Variants in HRH1 observed in about 807,000 individuals in gnomAD.
The protein encoded by HRH1 is histamine H1 receptor.
Under a neutral mutation model 10.3 loss-of-function variants are expected in HRH1, and 6 were observed. That is an observed-to-expected ratio of 0.58 (90% CI 0.32 to 1.15). The LOEUF is 1.15. Among genes scored for constraint, HRH1 ranks in the 50% most tolerant of loss-of-function variants. HRH1 has a pLI of 0.05. For synonymous variants in HRH1, 242 were observed against 236.7 expected (o/e 1.02, Z -0.21); for missense variants, 514 against 615.3 (o/e 0.84, Z 1.74).
At chr3:11,197,418 A>G (rs536977816) in intron 1 of HRH1, among the ~76,000 whole-genome samples, 1 of 152,308 alleles carries the variant, frequency 6.6e-6, no homozygotes, top group South Asian at 2.1e-4. Flanking sequence ...ATAGGCAAAG[A>G]TATTTCTTCC....
intron 1 of HRH1, among the ~76,000 whole-genome samples, chr3:11,160,593 T>A (rs1233865586): frequency 6.6e-6 from 1 of 152,250 alleles, no homozygotes; most frequent in Non-Finnish European, 1.5e-5. Flanking sequence ...TATTAAATCT[T>A]TCTTCCTTTC....
chr3:11,176,391 C>T (rs1937249595), intron 1 of HRH1, among the ~76,000 whole-genome samples: 1 of 152,030 alleles, frequency 6.6e-6, no homozygotes, highest in Non-Finnish European at 1.5e-5. Flanking sequence ...TCCAAAACTC[C>T]CCCTCCCACT....
At chr3:11,204,801 C>G (rs1938057042) in intron 1 of HRH1, among the ~76,000 whole-genome samples, 2 of 152,174 alleles carry the variant, frequency 1.3e-5, no homozygotes, top group South Asian at 4.1e-4. Context: ...GCAGGCTTCC[C>G]AAAGCTTGAT....
In HRH1 at chr3:11,259,452, C is replaced by G; in HGVS notation, c.415C>G (p.Arg139Gly). 6.2e-7 allele frequency: 1 copy of G among 1,613,838 alleles called. No homozygotes were observed. Among genetic ancestry groups the G allele is most frequent in the Non-Finnish European group, 8.5e-7 (1 of 1,179,906 alleles). ...GCAGCCCCTCAGGTACCTTAAGTATCGTACCAAGACCCGAGCCTCGGCCAC... is the reference window on the plus strand; with the variant it reads ...GCAGCCCCTCAGGTACCTTAAGTATGGTACCAAGACCCGAGCCTCGGCCAC... The part of the protein sequence containing the change: ...VQQPLRYLKY[R>G]TKTRASATIL... Residue 139 changes from arginine to glycine, a missense_variant, in exon 2 of 2, where the codon CGT (arginine) becomes GGT (glycine). Coordinates refer to ENST00000431010, the MANE Select transcript of HRH1 (RefSeq NM_001098212.2). The surrounding 1 kb of genome is among the most constrained non-coding windows in gnomAD (Gnocchi z 4.6).
At chr3:11,236,955 T>C (rs1045737388) in intron 1 of HRH1, among the ~76,000 whole-genome samples, 6 of 152,226 alleles carry the variant, frequency 3.9e-5, no homozygotes, top group Non-Finnish European at 8.8e-5. Context: ...GCCAGCTCTT[T>C]TATTTAGTTC....
intron 1 of HRH1, among the ~76,000 whole-genome samples, chr3:11,186,624 T>G (rs1289374612): frequency 6.6e-6 from 1 of 152,204 alleles, no homozygotes; most frequent in Non-Finnish European, 1.5e-5. Context: ...GGTCGGGATC[T>G]GAGACCACTC....
At chr3:11,156,090 A>C (rs36086403) in intron 1 of HRH1, among the ~76,000 whole-genome samples, 10,186 of 152,198 alleles carry the variant, frequency 0.067, 574 homozygotes, top group African/African-American at 0.15. Flanking sequence ...GCAAAGGATG[A>C]ATAGAGGAAA....
At chr3:11,237,440 C>G (rs1047561615) in intron 1 of HRH1, among the ~76,000 whole-genome samples, 2 of 152,088 alleles carry the variant, frequency 1.3e-5, no homozygotes, top group African/African-American at 4.8e-5. Flanking sequence ...GAAACTTGCT[C>G]TTCAGTCACT....
chr3:11,144,660 GA>G (rs1225586511), intron 1 of HRH1, among the ~76,000 whole-genome samples: 9 of 151,750 alleles, frequency 5.9e-5, no homozygotes, highest in Admixed American at 5.9e-4. Flanking sequence ...TGAGAACAGG[GA>G]GGAGCAGGTC....
chr3:11,181,774 G>A (rs1346914214), intron 1 of HRH1, among the ~76,000 whole-genome samples: 1 of 151,864 alleles, frequency 6.6e-6, no homozygotes, highest in Non-Finnish European at 1.5e-5. Context: ...CGGGACTACA[G>A]GCGCCCGCCA....
intron 1 of HRH1, among the ~76,000 whole-genome samples, chr3:11,170,185 C>G (rs1285032337): frequency 2.6e-5 from 4 of 152,234 alleles, no homozygotes; most frequent in Non-Finnish European, 4.4e-5. Flanking sequence ...AAAGCTGGAG[C>G]TGCTTTCCAT....
upstream of HRH1, among the ~76,000 whole-genome samples, chr3:11,153,894 G>C (rs1334200073): frequency 1.3e-5 from 2 of 152,106 alleles, no homozygotes; most frequent in Non-Finnish European, 2.9e-5. Context: ...TGTAGACCCT[G>C]GGGTCTCTTT....
chr3:11,222,755 A>C (rs1403485634), intron 1 of HRH1, among the ~76,000 whole-genome samples: 3 of 151,938 alleles, frequency 2.0e-5, no homozygotes, highest in African/African-American at 7.3e-5. Flanking sequence ...GGGAAACATA[A>C]ACTCTCCATC....
chr3:11,169,041 C>G (rs575360330), intron 1 of HRH1, among the ~76,000 whole-genome samples: 62 of 152,338 alleles, frequency 4.1e-4, no homozygotes, highest in Admixed American at 2.4e-3. Flanking sequence ...GAACAGCTGA[C>G]CCCTAGCCAC....
intron 1 of HRH1, among the ~76,000 whole-genome samples, chr3:11,161,902 C>T (rs1304110140): frequency 2.0e-5 from 3 of 152,204 alleles, no homozygotes; most frequent in Non-Finnish European, 4.4e-5. Flanking sequence ...AAATAGCACT[C>T]CTCTGCCCAG....
chr3:11,170,962 T>TA (rs1937139486), intron 1 of HRH1, among the ~76,000 whole-genome samples: 1 of 152,094 alleles, frequency 6.6e-6, no homozygotes, highest in African/African-American at 2.4e-5. Flanking sequence ...ACTAGAGAGA[T>TA]AAGCAGTGTC....
chr3:11,148,260 C>T (rs1936505639), intron 1 of HRH1, among the ~76,000 whole-genome samples: 1 of 151,942 alleles, frequency 6.6e-6, no homozygotes, highest in African/African-American at 2.4e-5. Context: ...ACAACCTTCA[C>T]ATCACCTCTG....
chr3:11,195,240 G>T (rs1343723785), intron 1 of HRH1, among the ~76,000 whole-genome samples: 1 of 152,172 alleles, frequency 6.6e-6, no homozygotes, highest in Non-Finnish European at 1.5e-5. Flanking sequence ...GTCAAAAGTG[G>T]TTCCTTGGAA....
At chr3:11,186,373 C>T (rs1304821165) in intron 1 of HRH1, among the ~76,000 whole-genome samples, 6 of 152,202 alleles carry the variant, frequency 3.9e-5, no homozygotes, top group Admixed American at 2.0e-4. Context: ...TATTCATCAT[C>T]ACCACAGCTT....
Sources: allele counts gnomAD v4.1 joint callset (sites outside exome capture counted in the v4.1 genomes callset), GRCh38; gene constraint gnomAD v4.1.1; non-coding constraint Gnocchi (gnomAD v3.1); transcripts MANE v1.5; gene names NCBI Gene and HGNC (gene_info 2026-07-23, HGNC 2026-07-21).